ANKS1B: variants seen among roughly 807,000 people sequenced by gnomAD.
ANKS1B encodes ankyrin repeat and sterile alpha motif domain-containing protein 1B.
A neutral mutation model predicts 148.3 loss-of-function variants in ANKS1B; 36 were observed. The observed-to-expected ratio is 0.24, with a 90% CI of 0.19 to 0.32. The LOEUF is 0.32. Among genes scored for constraint, ANKS1B ranks in the 10% least tolerant of loss-of-function variants. The pLI is 1.00. For synonymous variants in ANKS1B, 542 were observed against 560.8 expected (o/e 0.97, Z 0.47); for missense variants, 1,157 against 1,542.6 (o/e 0.75, Z 4.19).
chr12:99,913,174 C>T (rs2094059802), intron 1 of ANKS1B, among the ~76,000 whole-genome samples: 1 of 152,088 alleles, frequency 6.6e-6, no homozygotes, highest in African/African-American at 2.4e-5. Context: ...GCCTTGCCCT[C>T]CAAAACAAAA....
intron 8 of ANKS1B, among the ~76,000 whole-genome samples, chr12:99,737,415 A>C (rs1427194684): frequency 6.6e-6 from 1 of 152,136 alleles, no homozygotes; most frequent in Non-Finnish European, 1.5e-5. Flanking sequence ...CCTTATGTTA[A>C]GTGAAATAAG....
At chr12:99,662,445 G>A (rs1485912039) in intron 8 of ANKS1B, among the ~76,000 whole-genome samples, 1 of 152,142 alleles carries the variant, frequency 6.6e-6, no homozygotes, top group Non-Finnish European at 1.5e-5. Context: ...CTGATACTTG[G>A]CTAGTACATT....
chr12:98,869,684 C>A (rs998838634), intron 17 of ANKS1B, among the ~76,000 whole-genome samples: 1 of 151,638 alleles, frequency 6.6e-6, no homozygotes, highest in South Asian at 2.1e-4. Context: ...GGAATGCATA[C>A]ATATGTATGT....
At chr12:98,894,199 T>G (rs529347649) in intron 17 of ANKS1B, among the ~76,000 whole-genome samples, 1 of 152,292 alleles carries the variant, frequency 6.6e-6, no homozygotes, top group African/African-American at 2.4e-5. Context: ...TGCTATTCCT[T>G]AAAGGCGATG....
At chr12:99,635,686 T>C (rs1474267902) in intron 9 of ANKS1B, among the ~76,000 whole-genome samples, 1 of 152,104 alleles carries the variant, frequency 6.6e-6, no homozygotes, top group African/African-American at 2.4e-5. Flanking sequence ...GATTAGACAA[T>C]AACATGAATA....
At chr12:99,914,445 G>A (rs941550295) in intron 1 of ANKS1B, among the ~76,000 whole-genome samples, 1 of 152,184 alleles carries the variant, frequency 6.6e-6, no homozygotes, top group African/African-American at 2.4e-5. Flanking sequence ...TGGAGTATGT[G>A]TTAACTACTC....
chr12:98,782,263 C>G, intron 22 of ANKS1B, 126 bp from the exon 23 acceptor site: 1 of 786,936 alleles, frequency 1.3e-6, no homozygotes, highest in Non-Finnish European at 2.1e-6. Flanking sequence ...CAAAAGATGC[C>G]ACAAAAGAAC....
intron 17 of ANKS1B, among the ~76,000 whole-genome samples, chr12:98,952,846 T>C (rs903514943): frequency 1.3e-5 from 2 of 152,206 alleles, no homozygotes; most frequent in Admixed American, 6.5e-5. Context: ...TTCAAAATCA[T>C]TGTTATCTTT....
Position 99,200,077 on chromosome 12 carries a change from T to C in ANKS1B, c.2419+44265A>G, listed in dbSNP as rs573325485. Among the ~76,000 whole-genome samples, 388 of 152,344 alleles carry C rather than the reference T, an allele frequency of 2.5e-3. 1 individual carries two copies. Among genetic ancestry groups the C allele is most frequent in the African/African-American group, 8.9e-3 (368 of 41,576 alleles). ...CTGTTGAGTTAACACAGATACACTC[T>C]GGTTAATGCTCTTAAGAAGATGAAT... On this transcript the variant is annotated intron_variant, in intron 14 of 26. Coordinates refer to ENST00000683438, the MANE Select transcript of ANKS1B (RefSeq NM_001352186.2).
chr12:99,424,229 T>C (rs113995708), intron 11 of ANKS1B, among the ~76,000 whole-genome samples: 1,632 of 152,318 alleles, frequency 0.011, 31 homozygotes, highest in African/African-American at 0.034. Context: ...TTTATCAATA[T>C]AAAAATCCTA....
chr12:99,105,887 T>C (rs1237591842), intron 15 of ANKS1B, among the ~76,000 whole-genome samples: 5 of 151,996 alleles, frequency 3.3e-5, no homozygotes, highest in Admixed American at 1.3e-4. Flanking sequence ...CTTGTTCTCA[T>C]GTAGTTTGTA....
chr12:99,207,439 C>T (rs1289109043), intron 14 of ANKS1B, among the ~76,000 whole-genome samples: 1 of 152,026 alleles, frequency 6.6e-6, no homozygotes, highest in Non-Finnish European at 1.5e-5. Flanking sequence ...AATTGCTGAA[C>T]ATAAGCTTAA....
intron 10 of ANKS1B, among the ~76,000 whole-genome samples, chr12:99,460,277 A>G (rs541980133): frequency 6.6e-6 from 1 of 152,318 alleles, no homozygotes; most frequent in African/African-American, 2.4e-5. Flanking sequence ...AGATGGATTA[A>G]AGACTTAATT....
At chr12:99,188,513 A>G (rs575208290) in intron 14 of ANKS1B, among the ~76,000 whole-genome samples, 1 of 152,342 alleles carries the variant, frequency 6.6e-6, no homozygotes, top group East Asian at 1.9e-4. Context: ...CCACAGTGCA[A>G]TCAAATTGGA....
chr12:99,760,993 G>A (rs1160625858), intron 8 of ANKS1B, among the ~76,000 whole-genome samples: 1 of 138,966 alleles, frequency 7.2e-6, no homozygotes, highest in Non-Finnish European at 1.5e-5. Flanking sequence ...GGTTAAATCA[G>A]GAAGACATTG....
intron 1 of ANKS1B, among the ~76,000 whole-genome samples, chr12:99,948,418 CT>C (rs2095129202): frequency 6.6e-6 from 1 of 151,596 alleles, no homozygotes; most frequent in Non-Finnish European, 1.5e-5. Flanking sequence ...CAAAAGACAC[CT>C]TTTATGCCAA....
chr12:99,535,667 A>G (rs2097058402), intron 9 of ANKS1B, among the ~76,000 whole-genome samples: 1 of 152,152 alleles, frequency 6.6e-6, no homozygotes, highest in African/African-American at 2.4e-5. Flanking sequence ...TTAACACTGA[A>G]TTTGAACATG....
chr12:99,195,923 C>A (rs1284153454), intron 14 of ANKS1B, among the ~76,000 whole-genome samples: 1 of 151,984 alleles, frequency 6.6e-6, no homozygotes, highest in African/African-American at 2.4e-5. Context: ...CATAACTTAA[C>A]CATTATGATG....
chr12:99,852,689 C>T lies in ANKS1B; in HGVS notation c.135-27300G>A, dbSNP rs934127335. On this transcript the variant is annotated intron_variant, in intron 1 of 26. Transcript: ENST00000683438. ...TTTGCTCCAAGAACTACCATAGGAACATATCAGGAAAGCCAAGAGAATGCA... is the reference window on the plus strand; with the variant it reads ...TTTGCTCCAAGAACTACCATAGGAATATATCAGGAAAGCCAAGAGAATGCA... Among the ~76,000 whole-genome samples, 10 of 152,302 alleles carry T rather than the reference C, an allele frequency of 6.6e-5. No individual in the cohort carries two copies. The East Asian group carries it at 1.9e-3, about 29-fold the overall frequency.
Sources: allele counts gnomAD v4.1 joint callset (sites outside exome capture counted in the v4.1 genomes callset), GRCh38; gene constraint gnomAD v4.1.1; transcripts MANE v1.5; gene names NCBI Gene and HGNC (gene_info 2026-07-23, HGNC 2026-07-21).